Variants in LMO7 observed in about 807,000 individuals in gnomAD.
LMO7 encodes LIM domain only protein 7.
A neutral mutation model predicts 206.5 loss-of-function variants in LMO7; 120 were observed. The ratio of observed to expected loss-of-function variants is 0.58; its 90% CI spans 0.50 to 0.68. The LOEUF is 0.68. LMO7 is among the 30% of genes least tolerant of loss of function. The pLI, the probability that LMO7 is intolerant of heterozygous loss-of-function variation, is 0.00. For synonymous variants in LMO7, 706 were observed against 681.5 expected, an observed-to-expected ratio of 1.04 and a Z score of -0.56; for missense variants, 1,959 against 1,957.9, an observed-to-expected ratio of 1.00 and a Z score of -0.01.
chr13:75,836,394 C>T lies in LMO7; in HGVS notation c.3334-3C>T. 1.3e-6 allele frequency: 2 copies of T among 1,527,946 alleles called. No individual in the cohort carries two copies. The highest frequency in any genetic ancestry group is 2.3e-5 in the East Asian group (1 of 43,284). The allele number at this position is 1,527,946 out of a possible 1,614,324, so 94.6% of individuals were successfully genotyped here. A position where few individuals can be genotyped will look rare whatever the true frequency, so the allele number is the denominator to read the frequency against. ...TATTAACTAGCATTTTTACCCTTTC[C>T]AGAATATTGAATCCAAAGAAATCAA... On this transcript the variant is annotated splice_region_variant and splice_polypyrimidine_tract_variant and intron_variant, in intron 18 of 30. Transcript: ENST00000377534.
At chr13:75,836,277 T>C in intron 18 of LMO7, 120 bp from the exon 19 acceptor site, 2 of 616,490 alleles carry the variant, frequency 3.2e-6, no homozygotes, top group Middle Eastern at 3.3e-4. Context: ...CTGTAAGGAA[T>C]GCATCAATAT....
At chr13:75,827,652 C>T (rs553456603) in intron 15 of LMO7, among the ~76,000 whole-genome samples, 2 of 152,148 alleles carry the variant, frequency 1.3e-5, no homozygotes, top group Non-Finnish European at 2.9e-5. Context: ...AGTCCTTCAT[C>T]CCCCCTCCGT....
intron 3 of LMO7, among the ~76,000 whole-genome samples, chr13:75,750,188 G>T (rs745812063): frequency 2.2e-4 from 33 of 151,966 alleles, no homozygotes; most frequent in Non-Finnish European, 4.3e-4. Flanking sequence ...AAAATAACTG[G>T]TCACAATATA....
At chr13:75,761,834 A>T (rs1048535165) in intron 4 of LMO7, among the ~76,000 whole-genome samples, 21 of 152,176 alleles carry the variant, frequency 1.4e-4, no homozygotes, top group African/African-American at 4.6e-4. Context: ...TCTTAAACCT[A>T]ATTAACATTT....
At chr13:75,810,555 T>C (rs1414078770) in intron 11 of LMO7, among the ~76,000 whole-genome samples, 1 of 152,264 alleles carries the variant, frequency 6.6e-6, no homozygotes, top group East Asian at 1.9e-4. Flanking sequence ...ATCTGCATGA[T>C]GCTTAAACAT....
At chr13:75,711,830 C>T (rs142986238) in intron 1 of LMO7, among the ~76,000 whole-genome samples, 4 of 152,282 alleles carry the variant, frequency 2.6e-5, no homozygotes, top group South Asian at 2.1e-4. Context: ...TTTTTTCTTT[C>T]GGTAAATTCC....
At chr13:75,745,084 T>C (rs1025553703) in intron 3 of LMO7, among the ~76,000 whole-genome samples, 13 of 152,166 alleles carry the variant, frequency 8.5e-5, no homozygotes, top group Non-Finnish European at 1.9e-4. Flanking sequence ...AGAAACAGGC[T>C]CAGGGACATC....
intron 4 of LMO7, among the ~76,000 whole-genome samples, chr13:75,780,319 C>G (rs1407115795): frequency 6.6e-6 from 1 of 152,224 alleles, no homozygotes; most frequent in Non-Finnish European, 1.5e-5. Flanking sequence ...AAGACAGACA[C>G]TCCCAGAGTG....
intron 17 of LMO7, 133 bp downstream of exon 17, chr13:75,834,520 G>T (rs9573666): frequency 1.6e-5 from 10 of 623,778 alleles, no homozygotes; most frequent in East Asian, 1.4e-4. Flanking sequence ...TTGTAGTTAC[G>T]TCATGACAAA....
At chr13:75,735,534 T>C (rs538543973) in intron 3 of LMO7, among the ~76,000 whole-genome samples, 1 of 152,140 alleles carries the variant, frequency 6.6e-6, no homozygotes, top group Non-Finnish European at 1.5e-5. Flanking sequence ...TGATCTTGGC[T>C]CCCTGCAAAC....
intron 1 of LMO7, among the ~76,000 whole-genome samples, chr13:75,667,557 T>A (rs2039181962): frequency 6.6e-6 from 1 of 152,184 alleles, no homozygotes; most frequent in South Asian, 2.1e-4. Flanking sequence ...TCTGGTGAAA[T>A]TTTTCATTTT....
chr13:75,849,672 T>C (rs967754797), intron 27 of LMO7, among the ~76,000 whole-genome samples: 1 of 152,052 alleles, frequency 6.6e-6, no homozygotes, highest in African/African-American at 2.4e-5. Flanking sequence ...CAAATAGAAG[T>C]TTCATATTTT....
chr13:75,672,071 T>A (rs963600838), intron 1 of LMO7, among the ~76,000 whole-genome samples: 1 of 152,118 alleles, frequency 6.6e-6, no homozygotes, highest in Non-Finnish European at 1.5e-5. Flanking sequence ...CAGGACTCCC[T>A]GCAGATACCA....
chr13:75,735,276 A>T (rs926885460), intron 3 of LMO7, among the ~76,000 whole-genome samples: 2 of 151,452 alleles, frequency 1.3e-5, no homozygotes, highest in Non-Finnish European at 2.9e-5. Context: ...TCAGGAGGAG[A>T]GGGGAGGTTT....
intron 26 of LMO7, among the ~76,000 whole-genome samples, chr13:75,847,620 A>G (rs1165637337): frequency 6.6e-6 from 1 of 152,152 alleles, no homozygotes; most frequent in Non-Finnish European, 1.5e-5. Flanking sequence ...GAGAGAAGAA[A>G]ACTCCCTGTT....
In LMO7 at chr13:75,800,861, A is replaced by G; in HGVS notation, c.640A>G (p.Thr214Ala). The G allele has an allele frequency of 1.2e-6, 2 of 1,613,810 alleles. No homozygotes were observed. Among genetic ancestry groups the G allele is most frequent in the Non-Finnish European group, 1.7e-6 (2 of 1,179,764 alleles). ...RSLTSCSSDITLRGGREGFES... is the reference protein window; with the variant it reads ...RSLTSCSSDIALRGGREGFES... ...ATTGACAAGCTGCTCCTCTGATATCACGTTGAGAGGGGGGCGTGAAGGTGT... is the reference window on the plus strand; with the variant it reads ...ATTGACAAGCTGCTCCTCTGATATCGCGTTGAGAGGGGGGCGTGAAGGTGT... The change falls in exon 7 of 31, where the codon ACG becomes GCG. Residue 214 changes from threonine (T) to alanine (A), a missense_variant. Physicochemically the swap from Thr to Ala is moderately conservative, Grantham distance 58. Coordinates refer to ENST00000377534, the MANE Select transcript of LMO7 (RefSeq NM_001306080.2).
chr13:75,629,804 T>A (rs945846883), intron 2 of LMO7, among the ~76,000 whole-genome samples: 1 of 152,078 alleles, frequency 6.6e-6, no homozygotes, highest in African/African-American at 2.4e-5. Flanking sequence ...GTAGTAGAAA[T>A]AAAATTGACA....
At position 75,838,145 on chromosome 13, in the gene LMO7, G is replaced by A. The variant is rs774383306; in HGVS notation, c.3400G>A (p.Glu1134Lys). ...TTTATTTTTTTTTCAACTAGCATCT[G>A]AATCCATTTCTTTGAAAAACTTAAA... ...ESNAFESKAS[E>K]SISLKNLKRR... Residue 1134 changes from glutamate (E) to lysine (K), a missense_variant, in exon 20 of 31, where the codon GAA becomes AAA. By Grantham distance (56) the Glu-to-Lys change is moderately conservative. Transcript: ENST00000377534. 1 of 1,577,048 alleles carries A rather than the reference G, an allele frequency of 6.3e-7. No homozygotes were observed. The highest frequency in any genetic ancestry group is 8.7e-7 in the Non-Finnish European group (1 of 1,147,070).
chr13:75,651,309 CTTTTT>C (rs33997803), intron 1 of LMO7, among the ~76,000 whole-genome samples: 1 of 135,448 alleles, frequency 7.4e-6, no homozygotes. Flanking sequence ...GTGTGGTTTC[CTTTTT>C]TTTTTTTTTT....
Sources: gnomAD v4.1 joint callset for allele counts (sites outside exome capture counted in the v4.1 genomes callset) on GRCh38, gnomAD v4.1.1 for gene constraint, MANE v1.5 for transcripts, NCBI Gene and HGNC (gene_info 2026-07-23, HGNC 2026-07-21) for gene names.